POU3F2: variants seen among roughly 807,000 people sequenced by gnomAD.
POU3F2 encodes the protein POU class 3 homeobox 2, also known as POU domain, class 3, transcription factor 2.
In POU3F2, 11 loss-of-function variants were observed where a neutral mutation model predicts 33.1. That is an observed-to-expected ratio of 0.33 (90% confidence interval 0.21 to 0.55). The LOEUF is 0.55. POU3F2 is among the 20% of genes least tolerant of loss of function. The pLI is 0.91. For synonymous variants in POU3F2, 332 were observed against 289.6 expected, an observed-to-expected ratio of 1.15 and a Z score of -1.49; for missense variants, 456 against 620.2, an observed-to-expected ratio of 0.74 and a Z score of 2.81.
At position 98,835,121 on chromosome 6, in the gene POU3F2, G is replaced by A; in HGVS notation, c.248G>A (p.Gly83Asp). ...GGGGGGGGGG[G>D]GGGGGDGSPW... ...GGCGGCGGCGGGGGGGGCGGGGGCGGCGGCGGGGGCGGCGGCGACGGCTCC... is the reference window on the plus strand; with the variant it reads ...GGCGGCGGCGGGGGGGGCGGGGGCGACGGCGGGGGCGGCGGCGACGGCTCC... The change falls in exon 1 of 1, where the codon GGC (glycine) becomes GAC (aspartate). Residue 83 changes from glycine to aspartate, a missense_variant. Physicochemically the swap from Gly to Asp is moderately conservative, Grantham distance 94. Around this residue, in one of 6 missense-constraint regions of POU3F2, gnomAD observed 341 missense variants for 382.4 expected, o/e 0.89. Transcript: ENST00000328345. This position sits in a 1 kb window ranked among gnomAD's most constrained non-coding sequence, Gnocchi z 9.7. 1 of 1,212,140 alleles carries A rather than the reference G, an allele frequency of 8.2e-7. No homozygotes were observed. The highest frequency in any genetic ancestry group is 1.0e-6 in the Non-Finnish European group (1 of 976,178). 75.1% of individuals were successfully genotyped at this position (1,212,140 alleles called of 1,614,324 possible). A position where few individuals can be genotyped will look rare whatever the true frequency, so the allele number is the denominator to read the frequency against.
At position 98,835,118 on chromosome 6, in the gene POU3F2, G is replaced by T. The variant is rs1769974523; in HGVS notation, c.245G>T (p.Gly82Val). ...GGGGGGGGGG[G>V]GGGGGGDGSP... ...GGTGGCGGCGGCGGGGGGGGCGGGGGCGGCGGCGGGGGCGGCGGCGACGGC... is the reference window on the plus strand; with the variant it reads ...GGTGGCGGCGGCGGGGGGGGCGGGGTCGGCGGCGGGGGCGGCGGCGACGGC... Residue 82 changes from glycine to valine, a missense_variant, in exon 1 of 1, where the codon GGC becomes GTC. Coordinates refer to ENST00000328345, the MANE Select transcript of POU3F2 (RefSeq NM_005604.4). The surrounding 1 kb of genome is among the most constrained non-coding windows in gnomAD (Gnocchi z 9.7). 6.6e-6 allele frequency: 8 copies of T among 1,211,816 alleles called. No individual in the cohort carries two copies. Among genetic ancestry groups the T allele is most frequent in the Non-Finnish European group, 6.1e-6 (6 of 976,040 alleles). 75.1% of individuals were successfully genotyped at this position (1,211,816 alleles called of 1,614,324 possible). A position where few individuals can be genotyped will look rare whatever the true frequency, so the allele number is the denominator to read the frequency against.
chr6:98,835,095 TGGCGGCGGCGGGGGG>T lies in POU3F2; in HGVS notation c.228_242del (p.Gly84_Gly88del). ...CCCACGGCGGCGGCGGCGGGGGCGG[TGGCGGCGGCGGGGGG>T]GGCGGGGGCGGCGGCGGGGGCGGCG... On this transcript the variant is annotated inframe_deletion, in exon 1 of 1. Coordinates refer to ENST00000328345, the MANE Select transcript of POU3F2 (RefSeq NM_005604.4). The surrounding 1 kb of genome is among the most constrained non-coding windows in gnomAD (Gnocchi z 9.7). 9.0e-7 allele frequency: 1 copy of T among 1,115,804 alleles called. No homozygotes were observed. Among genetic ancestry groups the T allele is most frequent in the African/African-American group, 1.9e-5 (1 of 51,420 alleles). The allele number at this position is 1,115,804 out of a possible 1,614,324, so 69.1% of individuals were successfully genotyped here. A position where few individuals can be genotyped will look rare whatever the true frequency, so the allele number is the denominator to read the frequency against.
chr6:98,836,954 G>A lies in POU3F2; in HGVS notation c.*749G>A, dbSNP rs993936101. On this transcript the variant is annotated 3_prime_UTR_variant, in exon 1 of 1. Coordinates refer to ENST00000328345, the MANE Select transcript of POU3F2 (RefSeq NM_005604.4). ...TTGGTTACCTTCACATTCCCCTTAC[G>A]AGGGTGTAACATCTATTTGTTCCTC... 7 of 167,014 alleles carry A rather than the reference G, an allele frequency of 4.2e-5. No homozygotes were observed. Among genetic ancestry groups the A allele is most frequent in the African/African-American group, 1.7e-4 (7 of 41,408 alleles). The allele number at this position is 167,014 out of a possible 1,614,324, so 10.3% of individuals were successfully genotyped here.
At position 98,838,586 on chromosome 6, in the gene POU3F2, G is replaced by C. The variant is rs1770031397; in HGVS notation, c.*2381G>C. 1 of 166,318 alleles carries C rather than the reference G, an allele frequency of 6.0e-6. No homozygotes were observed. Among genetic ancestry groups the C allele is most frequent in the African/African-American group, 2.4e-5 (1 of 41,338 alleles). 10.3% of individuals were successfully genotyped at this position (166,318 alleles called of 1,614,324 possible). A position where few individuals can be genotyped will look rare whatever the true frequency, so the allele number is the denominator to read the frequency against. On this transcript the variant is annotated 3_prime_UTR_variant, in exon 1 of 1. Transcript: ENST00000328345. ...ATATTTATTTCTTTTGAAACAAAAA[G>C]GTTCTGGAAACTGTTTTTCTGTAGC... is the stretch of plus-strand genomic sequence containing the variant.
rs1769976115 is a variant in POU3F2 at position 98,835,179 on chromosome 6, C to T, written c.306C>T (p.Asp102=). ...CCACCAGCCCCCTGGGCCAGCCGGA[C>T]ATCAAGCCCTCGGTGGTGGTGCAGC... ...PWSTSPLGQP[D]IKPSVVVQQG... Residue 102 remains aspartate, a synonymous_variant, in exon 1 of 1, where the codon GAC becomes GAT. Transcript: ENST00000328345. This position sits in a 1 kb window ranked among gnomAD's most constrained non-coding sequence, Gnocchi z 9.7. 2 of 1,490,862 alleles carry T rather than the reference C, an allele frequency of 1.3e-6. No individual in the cohort carries two copies. Among genetic ancestry groups the T allele is most frequent in the Non-Finnish European group, 1.8e-6 (2 of 1,124,732 alleles). 92.4% of individuals were successfully genotyped at this position (1,490,862 alleles called of 1,614,324 possible).
Position 98,839,051 on chromosome 6 carries a change from CA to C in POU3F2, c.*2847del, listed in dbSNP as rs1034716315. 1.6e-4 allele frequency: 24 copies of C among 151,154 alleles called. No homozygotes were observed. Among genetic ancestry groups the C allele is most frequent in the Admixed American group, 9.9e-4 (15 of 15,204 alleles). 9.4% of individuals were successfully genotyped at this position (151,154 alleles called of 1,614,324 possible). ...ATTCACTTTACTTTGCAAAAACTAT[CA>C]GTCCCAAATCTTTCAGTCACTATGC... On this transcript the variant is annotated 3_prime_UTR_variant, in exon 1 of 1. Transcript: ENST00000328345.
rs754333102 is a variant in POU3F2 at position 98,836,198 on chromosome 6, T to C, written c.1325T>C (p.Val442Ala). 77 of 1,568,102 alleles carry C rather than the reference T, an allele frequency of 4.9e-5. No homozygotes were observed. The highest frequency in any genetic ancestry group is 6.4e-5 in the Non-Finnish European group (75 of 1,166,818). The change falls in exon 1 of 1, where the codon GTC (valine) becomes GCC (alanine). Residue 442 changes from valine (V) to alanine (A), a missense_variant. Val to Ala is a moderately conservative substitution (Grantham distance 64). Around this residue, in one of 6 missense-constraint regions of POU3F2, gnomAD observed 46 missense variants for 45.6 expected, o/e 1.01. Coordinates refer to ENST00000328345, the MANE Select transcript of POU3F2 (RefSeq NM_005604.4). ...CCACACCACGGGGTGCAGACGCCCG[T>C]CCAGTGAACTCGAGCTGGGGGAGGG... ...TPPHHGVQTP[V>A]Q
In POU3F2 at chr6:98,834,832, G is replaced by A; in HGVS notation, c.-42G>A. 2.5e-6 allele frequency: 4 copies of A among 1,575,764 alleles called. No individual in the cohort carries two copies. The highest frequency in any genetic ancestry group is 3.4e-6 in the Non-Finnish European group (4 of 1,166,574). On this transcript the variant is annotated 5_prime_UTR_variant, in exon 1 of 1. Coordinates refer to ENST00000328345, the MANE Select transcript of POU3F2 (RefSeq NM_005604.4). The stretch of plus-strand genomic sequence containing the variant: ...AGGCGAAAAAGTAACTGTCAAATGC[G>A]CGGCTCCTTTAACCGGAGCGCTCAG...
Position 98,837,351 on chromosome 6 carries a change from T to G in POU3F2, c.*1146T>G, listed in dbSNP as rs1582335868. 6.0e-6 allele frequency: 1 copy of G among 167,228 alleles called. No homozygotes were observed. The highest frequency in any genetic ancestry group is 1.9e-4 in the East Asian group (1 of 5,192). 10.4% of individuals were successfully genotyped at this position (167,228 alleles called of 1,614,324 possible). A position where few individuals can be genotyped will look rare whatever the true frequency, so the allele number is the denominator to read the frequency against. On this transcript the variant is annotated 3_prime_UTR_variant, in exon 1 of 1. Transcript: ENST00000328345. The stretch of plus-strand genomic sequence containing the variant: ...ATCTTCAGATATCCCTATATAGTTC[T>G]CTACCTTCAGTTTTAGTAACAATTA...
chr6:98,835,301 AG>A lies in POU3F2; in HGVS notation c.429del (p.Gln143HisfsTer55). On this transcript the variant is annotated frameshift_variant, in exon 1 of 1. Coordinates refer to ENST00000328345, the MANE Select transcript of POU3F2 (RefSeq NM_005604.4). LOFTEE classifies it high-confidence loss of function. The surrounding 1 kb of genome is among the most constrained non-coding windows in gnomAD (Gnocchi z 9.7). ...QQQQQQQQQQ[Q>X]QQQQQQRPPH... ...CAGCAGCAGCAACAGCAGCAACAGC[AG>A]CAGCAGCAGCAGCAACAGCGGCCGC... 1 of 1,544,754 alleles carries A rather than the reference AG, an allele frequency of 6.5e-7. No homozygotes were observed. The highest frequency in any genetic ancestry group is 8.7e-7 in the Non-Finnish European group (1 of 1,144,548).
rs1343600230 is a variant in POU3F2 at position 98,836,139 on chromosome 6, C to T, written c.1266C>T (p.Ala422=). ...MTPPGGTLPG[A]EDVYGGSRDT... ...CTCCCGGAGGGACTCTGCCGGGCGC[C>T]GAGGATGTGTACGGGGGGAGTAGGG... Residue 422 remains alanine, a synonymous_variant, in exon 1 of 1, where the codon GCC becomes GCT. Transcript: ENST00000328345. 1 of 1,604,870 alleles carries T rather than the reference C, an allele frequency of 6.2e-7. No individual in the cohort carries two copies. Among genetic ancestry groups the T allele is most frequent in the Non-Finnish European group, 8.5e-7 (1 of 1,177,838 alleles).
At position 98,836,333 on chromosome 6, in the gene POU3F2, C is replaced by T; in HGVS notation, c.*128C>T. 8.1e-7 allele frequency: 1 copy of T among 1,239,926 alleles called. No individual in the cohort carries two copies. The highest frequency in any genetic ancestry group is 1.1e-6 in the Non-Finnish European group (1 of 931,904). 76.8% of individuals were successfully genotyped at this position (1,239,926 alleles called of 1,614,324 possible). On this transcript the variant is annotated 3_prime_UTR_variant, in exon 1 of 1. Transcript: ENST00000328345. ...TATTTTTAATTATTATTTCCCCGTCCCTTAAAAAGACAAAAAAAATAAGGC... is the reference window on the plus strand; with the variant it reads ...TATTTTTAATTATTATTTCCCCGTCTCTTAAAAAGACAAAAAAAATAAGGC...
At position 98,836,886 on chromosome 6, in the gene POU3F2, C is replaced by G. The variant is rs1770006240; in HGVS notation, c.*681C>G. ...GCCAGCTCTTGGCCACTCTCCATTT[C>G]TAATGTTCTTGTGTTGCCCCTTCTT... On this transcript the variant is annotated 3_prime_UTR_variant, in exon 1 of 1. Transcript: ENST00000328345. 6.0e-6 allele frequency: 1 copy of G among 167,108 alleles called. No individual in the cohort carries two copies. The highest frequency in any genetic ancestry group is 2.4e-5 in the African/African-American group (1 of 41,464). The allele number at this position is 167,108 out of a possible 1,614,324, so 10.4% of individuals were successfully genotyped here.
rs1303846262 is a variant in POU3F2 at position 98,837,244 on chromosome 6, G to A, written c.*1039G>A. ...GCGGGCCCATTGTGAAAGAGCTCAG[G>A]GGAAATGTGGAGGTTAAATATATTT... is the stretch of plus-strand genomic sequence containing the variant. On this transcript the variant is annotated 3_prime_UTR_variant, in exon 1 of 1. Coordinates refer to ENST00000328345, the MANE Select transcript of POU3F2 (RefSeq NM_005604.4). 1 of 167,010 alleles carries A rather than the reference G, an allele frequency of 6.0e-6. No homozygotes were observed. The highest frequency in any genetic ancestry group is 1.5e-5 in the Non-Finnish European group (1 of 68,104). The allele number at this position is 167,010 out of a possible 1,614,324, so 10.3% of individuals were successfully genotyped here.
Position 98,835,343 on chromosome 6 carries a change from A to T in POU3F2, c.470A>T (p.His157Leu). Residue 157 changes from histidine to leucine, a missense_variant, in exon 1 of 1, where the codon CAC (histidine) becomes CTC (leucine). Around this residue, in one of 6 missense-constraint regions of POU3F2, gnomAD observed 341 missense variants for 382.4 expected, o/e 0.89. Coordinates refer to ENST00000328345, the MANE Select transcript of POU3F2 (RefSeq NM_005604.4). This position sits in a 1 kb window ranked among gnomAD's most constrained non-coding sequence, Gnocchi z 9.7. ...CAGCGGCCGCCGCATCTGGTGCACC[A>T]CGCCGCTAACCACCACCCGGGACCC... is the stretch of plus-strand genomic sequence containing the variant. ...QQQRPPHLVH[H>L]AANHHPGPGA... is the part of the protein sequence containing the mutation. The T allele has an allele frequency of 6.5e-7, 1 of 1,546,970 alleles. No individual in the cohort carries two copies. The highest frequency in any genetic ancestry group is 8.7e-7 in the Non-Finnish European group (1 of 1,146,650).
rs1159668870 is a variant in POU3F2 at position 98,836,940 on chromosome 6, C to T, written c.*735C>T. The T allele has an allele frequency of 1.2e-5, 2 of 167,110 alleles. No individual in the cohort carries two copies. The highest frequency in any genetic ancestry group is 4.8e-5 in the African/African-American group (2 of 41,452). The allele number at this position is 167,110 out of a possible 1,614,324, so 10.4% of individuals were successfully genotyped here. A position where few individuals can be genotyped will look rare whatever the true frequency, so the allele number is the denominator to read the frequency against. On this transcript the variant is annotated 3_prime_UTR_variant, in exon 1 of 1. Coordinates refer to ENST00000328345, the MANE Select transcript of POU3F2 (RefSeq NM_005604.4). ...ACTGTTTGTGAACTTTGGTTACCTT[C>T]ACATTCCCCTTACGAGGGTGTAACA...
Position 98,835,105 on chromosome 6 carries a change from G to A in POU3F2, c.232G>A (p.Gly78Arg), listed in dbSNP as rs1015244299. The A allele has an allele frequency of 2.5e-6, 3 of 1,198,132 alleles. No homozygotes were observed. The highest frequency in any genetic ancestry group is 3.4e-5 in the East Asian group (1 of 29,082). 74.2% of individuals were successfully genotyped at this position (1,198,132 alleles called of 1,614,324 possible). A position where few individuals can be genotyped will look rare whatever the true frequency, so the allele number is the denominator to read the frequency against. ...CGGCGGCGGGGGCGGTGGCGGCGGCGGGGGGGGCGGGGGCGGCGGCGGGGG... is the reference window on the plus strand; with the variant it reads ...CGGCGGCGGGGGCGGTGGCGGCGGCAGGGGGGGCGGGGGCGGCGGCGGGGG... ...GGGGGGGGGGGGGGGGGGGGG... is the reference protein window; with the variant it reads ...GGGGGGGGGGRGGGGGGGGGG... Residue 78 changes from glycine (G) to arginine (R), a missense_variant, in exon 1 of 1, where the codon GGG (glycine) becomes AGG (arginine). Coordinates refer to ENST00000328345, the MANE Select transcript of POU3F2 (RefSeq NM_005604.4). The surrounding 1 kb of genome is among the most constrained non-coding windows in gnomAD (Gnocchi z 9.7).
rs1770041578 is a variant in POU3F2, at chr6:98,839,333, T to A, written c.*3128T>A. On this transcript the variant is annotated 3_prime_UTR_variant, in exon 1 of 1. Transcript: ENST00000328345. ...GCAGGATTTAGTAGATTATTATTTT[T>A]AATAATTTACAAATATCTCTTAACA... The A allele has an allele frequency of 6.6e-6, 1 of 152,222 alleles. No homozygotes were observed. Among genetic ancestry groups the A allele is most frequent in the Admixed American group, 6.5e-5 (1 of 15,280 alleles). 9.4% of individuals were successfully genotyped at this position (152,222 alleles called of 1,614,324 possible).
In POU3F2 at chr6:98,838,135, A is replaced by G. The variant is rs1194249121; in HGVS notation, c.*1930A>G. On this transcript the variant is annotated 3_prime_UTR_variant, in exon 1 of 1. Coordinates refer to ENST00000328345, the MANE Select transcript of POU3F2 (RefSeq NM_005604.4). ...GTTTTTGCAAGATAAATGGTGACTTATAATGGGCATATTTATTTGCCTGTA... is the reference window on the plus strand; with the variant it reads ...GTTTTTGCAAGATAAATGGTGACTTGTAATGGGCATATTTATTTGCCTGTA... 1 of 167,060 alleles carries G rather than the reference A, an allele frequency of 6.0e-6. No homozygotes were observed. Among genetic ancestry groups the G allele is most frequent in the East Asian group, 1.9e-4 (1 of 5,198 alleles). The allele number at this position is 167,060 out of a possible 1,614,324, so 10.3% of individuals were successfully genotyped here.
Sources: gnomAD v4.1 joint callset for allele counts on GRCh38, gnomAD v4.1.1 for gene constraint, gnomAD v4.1.1 regional missense constraint, Gnocchi (gnomAD v3.1) non-coding constraint, MANE v1.5 for transcripts, NCBI Gene and HGNC (gene_info 2026-07-23, HGNC 2026-07-21) for gene names.